Variants in ERICH3 observed in about 807,000 individuals in gnomAD.
ERICH3 encodes glutamate rich 3, also known as glutamate-rich protein 3.
ERICH3 carries 126 observed loss-of-function variants against 131.1 expected under a neutral mutation model. The observed-to-expected ratio is 0.96, with a 90% CI of 0.83 to 1.11. The LOEUF (loss-of-function observed/expected upper bound fraction) is 1.11, where lower values mean the gene tolerates loss of function less well. Among genes scored for constraint, ERICH3 ranks in the 50% most tolerant of loss-of-function variants. ERICH3 has a pLI of 0.00. For missense variants in ERICH3, 2,050 were observed against 1,810.7 expected (o/e 1.13, Z -2.40); for synonymous variants, 695 against 644.6 (o/e 1.08, Z -1.18).
At chr1:74,631,057 C>T (rs1646326682) in intron 7 of ERICH3, among the ~76,000 whole-genome samples, 1 of 152,090 alleles carries the variant, frequency 6.6e-6, no homozygotes, top group Non-Finnish European at 1.5e-5. Flanking sequence ...GCTGGCACTT[C>T]ACTTCCTGAT....
chr1:74,620,620 C>T (rs1235847188), intron 8 of ERICH3, 114 bp downstream of exon 8: 1 of 896,330 alleles, frequency 1.1e-6, no homozygotes, highest in African/African-American at 1.7e-5. Flanking sequence ...TTATAAGTCC[C>T]TGGATATGCA....
chr1:74,607,543 T>G (rs1648461884), intron 9 of ERICH3, among the ~76,000 whole-genome samples: 1 of 151,986 alleles, frequency 6.6e-6, no homozygotes, highest in Admixed American at 6.6e-5. Flanking sequence ...TGTTCACTTA[T>G]TTTCATAGAA....
chr1:74,608,401 T>G (rs1648502646), intron 9 of ERICH3, among the ~76,000 whole-genome samples: 1 of 151,906 alleles, frequency 6.6e-6, no homozygotes, highest in South Asian at 2.1e-4. Flanking sequence ...AGTGGGCAGG[T>G]GAAAGGGATC....
In ERICH3 at chr1:74,573,075, G is replaced by A; in HGVS notation, c.2635C>T (p.Gln879Ter). ...GLSKDEAPEKQALMLTVLETD... is the reference protein window; with the variant it reads ...GLSKDEAPEK Reference sequence around the variant, plus strand: ...TCAAGCACTGTGAGCATCAAGGCTTGCTTTTCAGGAGCCTCATCTTTACTC... The same window carrying A: ...TCAAGCACTGTGAGCATCAAGGCTTACTTTTCAGGAGCCTCATCTTTACTC... Residue 879 changes from glutamine (Q) to a stop codon, truncating the protein, a stop_gained, in exon 14 of 15, where the codon CAA becomes TAA. Coordinates refer to ENST00000326665, the MANE Select transcript of ERICH3 (RefSeq NM_001002912.5). LOFTEE classifies it high-confidence loss of function. 1 of 1,614,136 alleles carries A rather than the reference G, an allele frequency of 6.2e-7. No individual in the cohort carries two copies. Among genetic ancestry groups the A allele is most frequent in the Middle Eastern group, 1.7e-4 (1 of 6,060 alleles).
At chr1:74,629,839 C>A (rs1006552051) in intron 7 of ERICH3, among the ~76,000 whole-genome samples, 2 of 152,074 alleles carry the variant, frequency 1.3e-5, no homozygotes, top group African/African-American at 4.8e-5. Flanking sequence ...AAGTTTTATG[C>A]ATATAAGCGA....
intron 1 of ERICH3, among the ~76,000 whole-genome samples, chr1:74,672,274 G>C (rs1414209866): frequency 2.6e-5 from 4 of 152,096 alleles, no homozygotes; most frequent in African/African-American, 9.7e-5. Context: ...CATCTTACAT[G>C]ACCCACAGAT....
In ERICH3 at chr1:74,649,301, T is replaced by A. The variant is rs747295880; in HGVS notation, c.38A>T (p.Tyr13Phe). 6.2e-7 allele frequency: 1 copy of A among 1,611,566 alleles called. No individual in the cohort carries two copies. Among genetic ancestry groups the A allele is most frequent in the Admixed American group, 1.7e-5 (1 of 59,864 alleles). ...HSHPAGLLAA[Y>F]NSLMDKHLAG... ...CAGGTGTTTATCCATAAGGCTATTA[T>A]ATGCAGCAAGTAACCTAAAATACAA... The change falls in exon 2 of 15, where the codon TAT becomes TTT. Residue 13 changes from tyrosine (Y) to phenylalanine (F), a missense_variant. Physicochemically the swap from Tyr to Phe is conservative, Grantham distance 22. Coordinates refer to ENST00000326665, the MANE Select transcript of ERICH3 (RefSeq NM_001002912.5).
Position 74,572,067 on chromosome 1 carries a change from C to T in ERICH3, c.3643G>A (p.Ala1215Thr), listed in dbSNP as rs780934042. ...KEGHRQDGEG[A>T]LAAPEAEPAG... is the part of the protein sequence containing the mutation. ...GGCTCAGCTTCAGGAGCTGCTAAGG[C>T]CCCCTCTCCATCTTGGCGGTGCCCT... Residue 1215 changes from alanine (A) to threonine (T), a missense_variant, in exon 14 of 15, where the codon GCC becomes ACC. Transcript: ENST00000326665. 58 of 1,614,076 alleles carry T rather than the reference C, an allele frequency of 3.6e-5. No homozygotes were observed. In the East Asian group the frequency reaches 9.8e-4, roughly 27 times the overall value.
In ERICH3 at chr1:74,572,032, C is replaced by T. The variant is rs113578095; in HGVS notation, c.3678G>A (p.Lys1226=). ...GGATCAGCCCCTCAGGGGCCTGCAC[C>T]TTTCCTGCTGGCTCAGCTTCAGGAG... ...LAAPEAEPAG[K]VQAPEGLIPA... The change falls in exon 14 of 15, where the codon AAG becomes AAA. Residue 1226 remains lysine (K), a synonymous_variant. Coordinates refer to ENST00000326665, the MANE Select transcript of ERICH3 (RefSeq NM_001002912.5). 6.2e-7 allele frequency: 1 copy of T among 1,614,180 alleles called. No individual in the cohort carries two copies. Among genetic ancestry groups the T allele is most frequent in the Non-Finnish European group, 8.5e-7 (1 of 1,180,042 alleles).
chr1:74,656,601 A>G (rs1306017928), intron 1 of ERICH3, among the ~76,000 whole-genome samples: 3 of 152,198 alleles, frequency 2.0e-5, no homozygotes, highest in African/African-American at 7.2e-5. Flanking sequence ...AAATGCTAGG[A>G]CTACTCCCTG....
At chr1:74,658,289 G>A (rs143745900) in intron 1 of ERICH3, among the ~76,000 whole-genome samples, 1 of 152,238 alleles carries the variant, frequency 6.6e-6, no homozygotes, top group African/African-American at 2.4e-5. Flanking sequence ...TTTGAGGAAA[G>A]CAATTCTCAA....
intron 8 of ERICH3, among the ~76,000 whole-genome samples, chr1:74,617,403 C>T (rs1463131066): frequency 2.0e-5 from 3 of 152,158 alleles, no homozygotes; most frequent in East Asian, 1.9e-4. Context: ...TACCCAAAAA[C>T]GTGTTTTTAT....
chr1:74,631,518 T>C (rs571243363), intron 7 of ERICH3, among the ~76,000 whole-genome samples, 195 bp downstream of exon 7: 1 of 152,242 alleles, frequency 6.6e-6, no homozygotes, highest in East Asian at 1.9e-4. Flanking sequence ...TTAATTATGC[T>C]AAACTCATTA....
chr1:74,627,574 T>C (rs1649460201), intron 7 of ERICH3, among the ~76,000 whole-genome samples: 3 of 152,194 alleles, frequency 2.0e-5, no homozygotes, highest in South Asian at 4.1e-4. Context: ...CTATGTTACA[T>C]AAACATATTT....
chr1:74,625,373 G>A (rs1207457514), intron 7 of ERICH3: 3 of 151,892 alleles, frequency 2.0e-5, no homozygotes, highest in South Asian at 2.1e-4. Context: ...TAATAAAACC[G>A]AGATGAATTT....
At chr1:74,590,343 C>G (rs1647532663) in intron 11 of ERICH3, among the ~76,000 whole-genome samples, 1 of 151,994 alleles carries the variant, frequency 6.6e-6, no homozygotes, top group African/African-American at 2.4e-5. Context: ...ATTTATTGTG[C>G]ACGTTATTTC....
intron 2 of ERICH3, among the ~76,000 whole-genome samples, chr1:74,647,486 A>T (rs1289523695): frequency 6.6e-6 from 1 of 152,142 alleles, no homozygotes; most frequent in Non-Finnish European, 1.5e-5. Context: ...GCATTAGCAT[A>T]CATAGAAGAT....
At chr1:74,634,847 T>C in intron 6 of ERICH3, 1 of 585,656 alleles carries the variant, frequency 1.7e-6, no homozygotes, top group East Asian at 2.9e-5. Context: ...ATGAGATGGG[T>C]GTATCAGGCC....
Position 74,641,318 on chromosome 1 carries a change from TA to T in ERICH3, c.444+12del. 6.2e-7 allele frequency: 1 copy of T among 1,611,032 alleles called. No homozygotes were observed. Among genetic ancestry groups the T allele is most frequent in the Non-Finnish European group, 8.5e-7 (1 of 1,178,814 alleles). On this transcript the variant is annotated intron_variant, in intron 5 of 14. Coordinates refer to ENST00000326665, the MANE Select transcript of ERICH3 (RefSeq NM_001002912.5). The stretch of plus-strand genomic sequence containing the variant: ...CTGGGATACTGCATGACGAAGTGTT[TA>T]ATATTACTCACCAGTGCTAACGGAC...
Sources: gnomAD v4.1 joint callset for allele counts (sites outside exome capture counted in the v4.1 genomes callset) on GRCh38, gnomAD v4.1.1 for gene constraint, MANE v1.5 for transcripts, NCBI Gene and HGNC (gene_info 2026-07-23, HGNC 2026-07-21) for gene names.